The following PCLO variants were observed in gnomAD, a reference collection of about 807,000 sequenced individuals.
PCLO encodes piccolo presynaptic cytomatrix protein.
A neutral mutation model predicts 427.5 loss-of-function variants in PCLO; 82 were observed. The observed-to-expected ratio is 0.19, with a 90% CI of 0.16 to 0.23. The LOEUF is 0.23. Among genes scored for constraint, PCLO ranks in the 10% least tolerant of loss-of-function variants. The pLI is 1.00. For missense variants in PCLO, 6,239 were observed against 6,115.9 expected (o/e 1.02, Z -0.67); for synonymous variants, 2,357 against 2,155.4 (o/e 1.09, Z -2.59).
chr7:82,932,257 A>G (rs1400237508), intron 6 of PCLO, among the ~76,000 whole-genome samples: 1 of 152,124 alleles, frequency 6.6e-6, no homozygotes, highest in Non-Finnish European at 1.5e-5. Context: ...CAAGATGCAG[A>G]TAAGAAAGTG....
At chr7:82,923,675 GAAAT>G (rs1794647957) in intron 6 of PCLO, among the ~76,000 whole-genome samples, 1 of 152,024 alleles carries the variant, frequency 6.6e-6, no homozygotes, top group African/African-American at 2.4e-5. Flanking sequence ...TAACATAGAA[GAAAT>G]AGATATATTC....
intron 6 of PCLO, among the ~76,000 whole-genome samples, chr7:82,921,002 T>A (rs1794582681): frequency 6.6e-6 from 1 of 151,808 alleles, no homozygotes. Flanking sequence ...TTGTTAAGTA[T>A]AATTCTAAAA....
rs930460490 is a variant in PCLO at position 83,154,959 on chromosome 7, G to A, written c.1682C>T (p.Thr561Ile). 4.3e-6 allele frequency: 7 copies of A among 1,613,914 alleles called. No homozygotes were observed. In the Admixed American group the frequency reaches 5.0e-5, roughly 12 times the overall value. ...AQQSTKPVSQTGSGKPLQPPT... is the reference protein window; with the variant it reads ...AQQSTKPVSQIGSGKPLQPPT... ...TGGCTGCAGAGGTTTTCCAGATCCT[G>A]TTTGGCTTACTGGTTTTGTAGATTG... The change falls in exon 2 of 25, where the codon ACA becomes ATA. Residue 561 changes from threonine to isoleucine, a missense_variant. Transcript: ENST00000333891.
rs756155327 is a variant in PCLO, at chr7:82,916,096, G to A, written c.11890C>T (p.Arg3964Trp). The change falls in exon 7 of 25, where the codon CGG becomes TGG. Residue 3964 changes from arginine to tryptophan, a missense_variant. Around this residue, in one of 5 missense-constraint regions of PCLO, gnomAD observed 680 missense variants for 677.3 expected, o/e 1.00. Coordinates refer to ENST00000333891, the MANE Select transcript of PCLO (RefSeq NM_033026.6). ...SQMMVIQQKP[R>W]QTTLYLEPKI... ...GGCTCCAAATATAATGTAGTTTGCC[G>A]TGGCTTCTGTTGTATCACCATCATC... 17 of 1,613,396 alleles carry A rather than the reference G, an allele frequency of 1.1e-5. No homozygotes were observed. The highest frequency in any genetic ancestry group is 3.3e-5 in the South Asian group (3 of 91,082).
At chr7:82,828,750 AT>A (rs1297679058) in intron 16 of PCLO, among the ~76,000 whole-genome samples, 1 of 152,168 alleles carries the variant, frequency 6.6e-6, no homozygotes, top group East Asian at 1.9e-4. Context: ...TGGGGTTGAA[AT>A]TAGATTACTG....
chr7:82,972,021 G>A (rs1298444752), intron 3 of PCLO, among the ~76,000 whole-genome samples: 1 of 151,568 alleles, frequency 6.6e-6, no homozygotes. Flanking sequence ...TCCAAATTAT[G>A]AGACCAATCA....
chr7:83,121,929 T>C (rs1791291423), intron 3 of PCLO, among the ~76,000 whole-genome samples: 1 of 151,952 alleles, frequency 6.6e-6, no homozygotes, highest in Admixed American at 6.6e-5. Flanking sequence ...GTAAACCAAA[T>C]TCCAACAACA....
chr7:82,827,612 T>C (rs922497096), intron 17 of PCLO, among the ~76,000 whole-genome samples: 1 of 152,076 alleles, frequency 6.6e-6, no homozygotes, highest in Non-Finnish European at 1.5e-5. Flanking sequence ...AATTCTGAAA[T>C]AACAAATGGA....
At chr7:83,118,876 T>TG (rs900949528) in intron 3 of PCLO, among the ~76,000 whole-genome samples, 2 of 152,130 alleles carry the variant, frequency 1.3e-5, no homozygotes, top group Non-Finnish European at 2.9e-5. Flanking sequence ...AGACACCATC[T>TG]GGGGGAAACA....
At chr7:83,015,792 AGTTT>A (rs1349919111) in intron 3 of PCLO, among the ~76,000 whole-genome samples, 1 of 152,112 alleles carries the variant, frequency 6.6e-6, no homozygotes, top group Non-Finnish European at 1.5e-5. Context: ...TCTTTTTTAA[AGTTT>A]GTTTTCTTCC....
At chr7:83,009,716 T>G (rs1331803514) in intron 3 of PCLO, among the ~76,000 whole-genome samples, 1 of 151,856 alleles carries the variant, frequency 6.6e-6, no homozygotes, top group Non-Finnish European at 1.5e-5. Flanking sequence ...GGTAAAGATT[T>G]AAATTAGATT....
rs61259933 is a variant in PCLO at position 83,089,137 on chromosome 7, TTACATACATACA to T, written c.3300+45101_3300+45112del. 2.0e-5 allele frequency among the ~76,000 whole-genome samples: 3 copies of T among 151,664 alleles called. No individual in the cohort carries two copies. The South Asian group carries it at 6.2e-4, about 32-fold the overall frequency. On this transcript the variant is annotated intron_variant, in intron 3 of 24. Transcript: ENST00000333891. ...ATTCTCATTTAGTGTGTATGTATGT[TTACATACATACA>T]TACATACATACACACATATATGTTT...
intron 3 of PCLO, among the ~76,000 whole-genome samples, chr7:83,055,780 A>C (rs1789363915): frequency 6.6e-6 from 1 of 152,190 alleles, no homozygotes; most frequent in Non-Finnish European, 1.5e-5. Flanking sequence ...AGGAAAAGCT[A>C]TTAGGTAAAC....
chr7:83,038,051 C>A (rs866981915), intron 3 of PCLO, among the ~76,000 whole-genome samples: 329 of 13,928 alleles, frequency 0.024, 21 homozygotes, highest in African/African-American at 0.12. Flanking sequence ...ATATATATAT[C>A]TTTATATATA....
At chr7:83,027,812 C>A (rs1788545370) in intron 3 of PCLO, among the ~76,000 whole-genome samples, 1 of 102,938 alleles carries the variant, frequency 9.7e-6, no homozygotes, top group African/African-American at 3.5e-5. Context: ...ATATGTAAAT[C>A]AATAAATGTA....
In PCLO at chr7:82,956,524, C is replaced by T; in HGVS notation, c.4429G>A (p.Asp1477Asn). The stretch of plus-strand genomic sequence containing the variant: ...TGTTGGCTATCTTTTTTAAAAGTGT[C>T]TTTCCTTTCTTCTTGACTCTCTTTG... ...EIKESQEERKDTFKKDSQQDI... is the reference protein window; with the variant it reads ...EIKESQEERKNTFKKDSQQDI... The change falls in exon 5 of 25, where the codon GAC becomes AAC. Residue 1477 changes from aspartate to asparagine, a missense_variant. Around this residue, in one of 5 missense-constraint regions of PCLO, gnomAD observed 4,677 missense variants for 4,468.4 expected, o/e 1.05. Coordinates refer to ENST00000333891, the MANE Select transcript of PCLO (RefSeq NM_033026.6). The T allele has an allele frequency of 6.2e-7, 1 of 1,612,536 alleles. No homozygotes were observed. The highest frequency in any genetic ancestry group is 8.5e-7 in the Non-Finnish European group (1 of 1,179,604).
At chr7:82,815,954 C>A (rs80106924) in intron 20 of PCLO, among the ~76,000 whole-genome samples, 2 of 152,074 alleles carry the variant, frequency 1.3e-5, no homozygotes, top group African/African-American at 4.8e-5. Context: ...AAACTCAACA[C>A]CCCGATCAAA....
intron 6 of PCLO, 83 bp downstream of exon 6, chr7:82,949,393 G>A: frequency 9.9e-7 from 1 of 1,012,572 alleles, no homozygotes; most frequent in Admixed American, 2.3e-5. Context: ...AAGGTACCAG[G>A]AGCCTGATCG....
intron 3 of PCLO, among the ~76,000 whole-genome samples, chr7:83,120,514 A>C (rs1349282186): frequency 6.6e-6 from 1 of 151,988 alleles, no homozygotes; most frequent in Non-Finnish European, 1.5e-5. Context: ...AGCAGATTTA[A>C]CCCAAATAAG....
Sources: allele counts gnomAD v4.1 joint callset (sites outside exome capture counted in the v4.1 genomes callset), GRCh38; gene constraint gnomAD v4.1.1; regional missense constraint gnomAD v4.1.1; transcripts MANE v1.5; gene names NCBI Gene and HGNC (gene_info 2026-07-23, HGNC 2026-07-21).